The following MSI2 variants were observed in gnomAD, a reference collection of about 807,000 sequenced individuals.
MSI2 encodes RNA-binding protein Musashi homolog 2.
A neutral mutation model predicts 45.6 loss-of-function variants in MSI2; 17 were observed. That is an observed-to-expected ratio of 0.37 (90% CI 0.26 to 0.56). The LOEUF (loss-of-function observed/expected upper bound fraction) is 0.56, where lower values mean the gene tolerates loss of function less well. Among genes scored for constraint, MSI2 ranks in the 20% least tolerant of loss-of-function variants. The pLI is 0.77. For synonymous variants in MSI2, 156 were observed against 158.2 expected (o/e 0.99, Z 0.11); for missense variants, 293 against 444.2 (o/e 0.66, Z 3.06).
At chr17:57,649,984 C>T (rs1206270997) in intron 10 of MSI2, among the ~76,000 whole-genome samples, 1 of 152,226 alleles carries the variant, frequency 6.6e-6, no homozygotes, top group Non-Finnish European at 1.5e-5. Flanking sequence ...CCTCTTCTCA[C>T]ACCCTCCCTC....
intron 6 of MSI2, among the ~76,000 whole-genome samples, chr17:57,467,301 G>A (rs2085346193): frequency 6.6e-6 from 1 of 152,168 alleles, no homozygotes; most frequent in African/African-American, 2.4e-5. Flanking sequence ...CCTGGGATAT[G>A]GTGCATTCTT....
chr17:57,489,097 G>A (rs201883199), intron 6 of MSI2, among the ~76,000 whole-genome samples: 1 of 152,194 alleles, frequency 6.6e-6, no homozygotes, highest in South Asian at 2.1e-4. Context: ...CTTGGGTTCT[G>A]GTCGCAGCTC....
At chr17:57,489,485 A>G (rs1390148273) in intron 6 of MSI2, among the ~76,000 whole-genome samples, 1 of 152,202 alleles carries the variant, frequency 6.6e-6, no homozygotes, top group Non-Finnish European at 1.5e-5. Context: ...GGTTCTGACC[A>G]TGAGCTTTGG....
intron 6 of MSI2, among the ~76,000 whole-genome samples, chr17:57,452,993 G>A (rs1357201634): frequency 1.5e-5 from 2 of 137,316 alleles, no homozygotes; most frequent in East Asian, 4.4e-4. Flanking sequence ...CTTGTTTCTG[G>A]TTGAGGGACT....
chr17:57,424,097 A>G (rs2084446344), intron 6 of MSI2, among the ~76,000 whole-genome samples: 1 of 152,192 alleles, frequency 6.6e-6, no homozygotes, highest in Non-Finnish European at 1.5e-5. Flanking sequence ...CTTCTCAGAG[A>G]TCCTTTGGGG....
intron 6 of MSI2, among the ~76,000 whole-genome samples, chr17:57,505,236 C>T (rs1380763058): frequency 2.6e-5 from 4 of 152,186 alleles, no homozygotes; most frequent in African/African-American, 7.2e-5. Context: ...GAGGCAATGG[C>T]TCTTCTTGCC....
chr17:57,505,283 G>A (rs1475231404), intron 6 of MSI2, among the ~76,000 whole-genome samples: 1 of 152,172 alleles, frequency 6.6e-6, no homozygotes, highest in Non-Finnish European at 1.5e-5. Flanking sequence ...AGATGGCGAG[G>A]GTGGGGGCCA....
At chr17:57,312,542 G>A (rs1238871681) in intron 5 of MSI2, among the ~76,000 whole-genome samples, 1 of 152,158 alleles carries the variant, frequency 6.6e-6, no homozygotes, top group Non-Finnish European at 1.5e-5. Context: ...CTTCAAAAGA[G>A]CAAACCCTGC....
At chr17:57,650,729 C>T (rs1374020904) in intron 10 of MSI2, among the ~76,000 whole-genome samples, 1 of 152,166 alleles carries the variant, frequency 6.6e-6, no homozygotes, top group Non-Finnish European at 1.5e-5. Context: ...TTTAGAGTAG[C>T]ATGTTCCCCC....
At chr17:57,419,148 C>G (rs1275961088) in intron 6 of MSI2, among the ~76,000 whole-genome samples, 1 of 149,278 alleles carries the variant, frequency 6.7e-6, no homozygotes, top group Admixed American at 6.7e-5. Flanking sequence ...GAAAATTCGT[C>G]ATTTCTGTCC....
chr17:57,517,328 C>A (rs917017504), intron 6 of MSI2, among the ~76,000 whole-genome samples: 7 of 152,168 alleles, frequency 4.6e-5, no homozygotes, highest in Admixed American at 1.3e-4. Flanking sequence ...AACTCTGGGG[C>A]TGAGTGGTGC....
chr17:57,301,370 T>C (rs189384326), intron 5 of MSI2, among the ~76,000 whole-genome samples: 8 of 152,302 alleles, frequency 5.3e-5, no homozygotes, highest in African/African-American at 1.9e-4. Context: ...AACCTGAGTT[T>C]AGTTGAATTT....
intron 5 of MSI2, among the ~76,000 whole-genome samples, chr17:57,333,890 T>C (rs1365693942): frequency 7.2e-5 from 11 of 152,196 alleles, no homozygotes; most frequent in Non-Finnish European, 1.6e-4. Context: ...CGAGCTACAG[T>C]GTGGCATGTC....
intron 5 of MSI2, among the ~76,000 whole-genome samples, chr17:57,327,443 T>G (rs973225200): frequency 6.6e-6 from 1 of 152,234 alleles, no homozygotes; most frequent in Non-Finnish European, 1.5e-5. Context: ...CCTGTGGCTT[T>G]CAGCCCAGAA....
At chr17:57,486,766 C>A (rs1034979711) in intron 6 of MSI2, among the ~76,000 whole-genome samples, 1 of 152,158 alleles carries the variant, frequency 6.6e-6, no homozygotes, top group African/African-American at 2.4e-5. Context: ...CTTTTATCTG[C>A]ACTCCTTAGA....
intron 6 of MSI2, among the ~76,000 whole-genome samples, chr17:57,504,196 CA>C (rs1213622835): frequency 1.3e-5 from 2 of 152,190 alleles, no homozygotes; most frequent in African/African-American, 4.8e-5. Flanking sequence ...CCTCTTCCTG[CA>C]GGGCACCCTC....
intron 10 of MSI2, among the ~76,000 whole-genome samples, chr17:57,638,862 A>G (rs1334198807): frequency 1.3e-5 from 2 of 152,188 alleles, no homozygotes; most frequent in African/African-American, 4.8e-5. Flanking sequence ...TGATTGTGCC[A>G]CTGCATTCCA....
At chr17:57,519,687 TAG>T (rs1306509306) in intron 6 of MSI2, among the ~76,000 whole-genome samples, 2 of 152,138 alleles carry the variant, frequency 1.3e-5, no homozygotes, top group Admixed American at 6.5e-5. Flanking sequence ...CACTTTTTGG[TAG>T]AGTTTTAAAG....
Position 57,675,101 on chromosome 17 carries a change from G to T in MSI2, c.920G>T (p.Gly307Val). 6.2e-7 allele frequency: 1 copy of T among 1,613,826 alleles called. No homozygotes were observed. Among genetic ancestry groups the T allele is most frequent in the Non-Finnish European group, 8.5e-7 (1 of 1,179,974 alleles). Residue 307 changes from glycine (G) to valine (V), a missense_variant, in exon 12 of 14, where the codon GGC (glycine) becomes GTC (valine). By Grantham distance (109) the Gly-to-Val change is moderately radical. Transcript: ENST00000284073. ...NYISAASPQP[G>V]SGFGHGIAGP... ...ATAAGTGCGGCCAGCCCACAGCCGG[G>T]CTCGGGCTTCGGCCACGGCATAGCT...
Sources: allele counts gnomAD v4.1 joint callset (sites outside exome capture counted in the v4.1 genomes callset), GRCh38; gene constraint gnomAD v4.1.1; transcripts MANE v1.5; gene names NCBI Gene and HGNC (gene_info 2026-07-23, HGNC 2026-07-21).